The following NPIPB2 variants were observed in gnomAD, a reference collection of about 807,000 sequenced individuals.
NPIPB2 encodes the protein nuclear pore complex-interacting protein family member B2.
NPIPB2 carries 27 observed loss-of-function variants against 30.8 expected under a neutral mutation model. The observed-to-expected ratio is 0.88, with a 90% CI of 0.65 to 1.21. The LOEUF (loss-of-function observed/expected upper bound fraction) is 1.21. Among genes scored for constraint, NPIPB2 ranks in the 50% most tolerant of loss-of-function variants. The probability of loss-of-function intolerance (pLI) is 0.00; values close to 1 mark genes in which losing one functional copy is unlikely to be tolerated. For synonymous variants in NPIPB2, 147 were observed against 162.0 expected, an observed-to-expected ratio of 0.91 and a Z score of 0.70; for missense variants, 440 against 446.2, an observed-to-expected ratio of 0.99 and a Z score of 0.13.
intron 1 of NPIPB2, among the ~76,000 whole-genome samples, chr16:11,947,879 C>G (rs2055027077): frequency 6.6e-6 from 1 of 150,780 alleles, no homozygotes; most frequent in Non-Finnish European, 1.5e-5. Flanking sequence ...AGCATCAGTG[C>G]CCGTGAAGCA....
intron 1 of NPIPB2, among the ~76,000 whole-genome samples, chr16:11,947,334 ATATT>A (rs1411895167): frequency 4.9e-4 from 71 of 144,936 alleles, no homozygotes; most frequent in Middle Eastern, 7.2e-3. Flanking sequence ...ATATATATAT[ATATT>A]TATTTATTTA....
chr16:11,950,973 G>T (rs2055056189), intron 1 of NPIPB2, among the ~76,000 whole-genome samples: 1 of 149,396 alleles, frequency 6.7e-6, no homozygotes, highest in African/African-American at 2.6e-5. Flanking sequence ...ATATATACAT[G>T]ATTTTTTTGC....
At chr16:11,967,907 G>T (rs887346600) in intron 1 of NPIPB2, 1 of 1,564,508 alleles carries the variant, frequency 6.4e-7, no homozygotes, top group African/African-American at 1.4e-5. Flanking sequence ...TAGATGATGT[G>T]TCAGATCTCT....
chr16:11,961,207 G>C (rs1399321409), intron 1 of NPIPB2, among the ~76,000 whole-genome samples: 1 of 151,982 alleles, frequency 6.6e-6, no homozygotes, highest in Non-Finnish European at 1.5e-5. Flanking sequence ...AATCATGTTT[G>C]TCCTGTCTCC....
intron 2 of NPIPB2, among the ~76,000 whole-genome samples, chr16:11,936,939 C>G (rs2054875571): frequency 6.6e-6 from 1 of 151,748 alleles, no homozygotes; most frequent in African/African-American, 2.4e-5. Context: ...TGTCTCAGGC[C>G]AATTGTTTGT....
chr16:11,972,297 T>A (rs561106361), intron 1 of NPIPB2, among the ~76,000 whole-genome samples: 3 of 151,978 alleles, frequency 2.0e-5, no homozygotes, highest in Non-Finnish European at 2.9e-5. Context: ...TGTTCTGGGC[T>A]GGATGCCGCG....
chr16:11,950,175 G>A (rs1315980146), intron 1 of NPIPB2, among the ~76,000 whole-genome samples: 2 of 152,090 alleles, frequency 1.3e-5, no homozygotes, highest in Non-Finnish European at 2.9e-5. Flanking sequence ...TGGGATTACA[G>A]ACACCTGCCA....
chr16:11,974,031 G>C (rs2055252082), intron 1 of NPIPB2, among the ~76,000 whole-genome samples: 1 of 152,136 alleles, frequency 6.6e-6, no homozygotes, highest in Non-Finnish European at 1.5e-5. Flanking sequence ...AGTTTTACAG[G>C]GAGGGGAAAA....
At chr16:11,960,591 CA>C (rs1361956436) in intron 1 of NPIPB2, among the ~76,000 whole-genome samples, 1 of 152,070 alleles carries the variant, frequency 6.6e-6, no homozygotes, top group Non-Finnish European at 1.5e-5. Flanking sequence ...CTCCTGACCT[CA>C]GGTTATCCGC....
chr16:11,962,197 T>TAA lies in NPIPB2; in HGVS notation c.-584+14369_-584+14370dup, dbSNP rs34733614. On this transcript the variant is annotated intron_variant, in intron 1 of 5. Coordinates refer to the NPIPB2 transcript ENST00000538896. ...TGGGCAATAGAGCAACACCCTGTCTTAAAAAAAAAAAAAAAAAAAAAGGCT... is the reference window on the plus strand; with the variant it reads ...TGGGCAATAGAGCAACACCCTGTCTTAAAAAAAAAAAAAAAAAAAAAAAGGCT... 6.2e-3 allele frequency among the ~76,000 whole-genome samples: 589 copies of TAA among 95,672 alleles called. 5 individuals are homozygous for TAA. The highest frequency in any genetic ancestry group is 0.016 in the African/African-American group (386 of 24,428). The allele number at this position is 95,672 out of a possible 152,430, so 62.8% of individuals were successfully genotyped here.
At chr16:11,946,566 A>C (rs1238855213), upstream of NPIPB2, among the ~76,000 whole-genome samples, 1 of 151,916 alleles carries the variant, frequency 6.6e-6, no homozygotes, top group Non-Finnish European at 1.5e-5. Flanking sequence ...GAGTGAGACC[A>C]TATCTTTAAG....
At chr16:11,946,167 C>A (rs1334319172), upstream of NPIPB2, among the ~76,000 whole-genome samples, 1 of 151,918 alleles carries the variant, frequency 6.6e-6, no homozygotes, top group East Asian at 1.9e-4. Context: ...GGGCAGATCG[C>A]CTGAGGTCAG....
intron 1 of NPIPB2, among the ~76,000 whole-genome samples, chr16:11,938,355 G>C (rs551424387): frequency 7.0e-6 from 1 of 142,316 alleles, no homozygotes; most frequent in Non-Finnish European, 1.5e-5. Context: ...TTTTGAGATG[G>C]GGTCTCACTC....
intron 1 of NPIPB2, among the ~76,000 whole-genome samples, chr16:11,953,666 T>C (rs2055086948): frequency 6.6e-6 from 1 of 151,924 alleles, no homozygotes; most frequent in Non-Finnish European, 1.5e-5. Flanking sequence ...ACAACTATTT[T>C]TCTTAGTTTA....
chr16:11,956,858 G>A (rs2055116876), intron 1 of NPIPB2, among the ~76,000 whole-genome samples: 1 of 152,208 alleles, frequency 6.6e-6, no homozygotes, highest in South Asian at 2.1e-4. Context: ...GGGGTACCAG[G>A]CACTAGGGGG....
chr16:11,934,760 G>A (rs1276916684), intron 2 of NPIPB2, among the ~76,000 whole-genome samples: 1 of 144,324 alleles, frequency 6.9e-6, no homozygotes, highest in East Asian at 2.1e-4. Context: ...TTGGGAGGCT[G>A]AGGCAGGAGA....
chr16:11,976,466 G>C (rs1033842772), intron 1 of NPIPB2: 1 of 310,050 alleles, frequency 3.2e-6, no homozygotes, highest in African/African-American at 2.2e-5. Context: ...ATCCCTCTCT[G>C]GGACGAAGTC....
intron 1 of NPIPB2, among the ~76,000 whole-genome samples, chr16:11,953,595 C>A (rs943922087): frequency 6.6e-6 from 1 of 152,100 alleles, no homozygotes; most frequent in Non-Finnish European, 1.5e-5. Flanking sequence ...CGTGATTCAC[C>A]CACCTTGGCT....
chr16:11,956,072 A>G (rs553513219), intron 1 of NPIPB2: 1 of 152,324 alleles, frequency 6.6e-6, no homozygotes, highest in African/African-American at 2.4e-5. Flanking sequence ...TTAATCATGC[A>G]TGAATCTTTC....
Sources: gnomAD v4.1 joint callset for allele counts (sites outside exome capture counted in the v4.1 genomes callset) on GRCh38, gnomAD v4.1.1 for gene constraint, MANE v1.5 for transcripts, NCBI Gene and HGNC (gene_info 2026-07-23, HGNC 2026-07-21) for gene names.